The following FAH variants were observed in gnomAD, a reference collection of about 807,000 sequenced individuals.
FAH encodes fumarylacetoacetate hydrolase, also known as fumarylacetoacetase.
Under a neutral mutation model 55.8 loss-of-function variants are expected in FAH, and 47 were observed. That is an observed-to-expected ratio of 0.84 (90% CI 0.67 to 1.07). The LOEUF is 1.07. FAH is among the 50% of genes least tolerant of loss of function. The pLI, the probability that FAH is intolerant of heterozygous loss-of-function variation, is 0.00. For missense variants in FAH, 495 were observed against 545.9 expected, an observed-to-expected ratio of 0.91 and a Z score of 0.93; for synonymous variants, 199 against 207.7, an observed-to-expected ratio of 0.96 and a Z score of 0.36.
chr15:80,172,979 C>G (rs762398502), intron 8 of FAH, 35 bp from the exon 9 acceptor site: 3 of 1,614,184 alleles, frequency 1.9e-6, no homozygotes, highest in Non-Finnish European at 2.5e-6. Flanking sequence ...CCCTGATCAG[C>G]CTTTGTAAGT....
intron 11 of FAH, among the ~76,000 whole-genome samples, 160 bp downstream of exon 11, chr15:80,177,743 G>A (rs1465301705): frequency 2.0e-5 from 3 of 152,162 alleles, no homozygotes; most frequent in Non-Finnish European, 4.4e-5. Context: ...GAGTGGCCAT[G>A]GGGTCACAGA....
At chr15:80,165,264 C>T (rs1216927719) in intron 5 of FAH, among the ~76,000 whole-genome samples, 2 of 151,974 alleles carry the variant, frequency 1.3e-5, no homozygotes, top group East Asian at 1.9e-4. Context: ...CGTGGTGGCT[C>T]ACGCCTGTAA....
At position 80,168,332 on chromosome 15, in the gene FAH, G is replaced by C. The variant is rs1247616369; in HGVS notation, c.606+16G>C. 3 of 1,610,460 alleles carry C rather than the reference G, an allele frequency of 1.9e-6. No individual in the cohort carries two copies. Among genetic ancestry groups the C allele is most frequent in the East Asian group, 4.5e-5 (2 of 44,780 alleles). On this transcript the variant is annotated intron_variant, in intron 7 of 13. Coordinates refer to ENST00000561421, the MANE Select transcript of FAH (RefSeq NM_000137.4). ...GCTGGAAATGGTAAGTGAGCTTGAT[G>C]TTTTATTGCCATGGGATCTATAGAC...
At chr15:80,169,468 C>G (rs1235879275) in intron 7 of FAH, among the ~76,000 whole-genome samples, 5 of 152,218 alleles carry the variant, frequency 3.3e-5, no homozygotes, top group Non-Finnish European at 7.3e-5. Flanking sequence ...TGGCTGGGCC[C>G]ATACAACCTC....
intron 11 of FAH, 95 bp downstream of exon 11, chr15:80,177,678 A>C: frequency 8.4e-7 from 1 of 1,186,278 alleles, no homozygotes; most frequent in Admixed American, 1.7e-5. Context: ...TCCTTTTGGG[A>C]TATGATGATG....
chr15:80,162,164 C>G, intron 4 of FAH, 82 bp from the exon 5 acceptor site: 1 of 1,032,748 alleles, frequency 9.7e-7, no homozygotes, highest in Non-Finnish European at 1.5e-6. Context: ...TGTGCACACT[C>G]GTGGCTCCAG....
At chr15:80,168,223 C>G in intron 6 of FAH, 41 bp from the exon 7 acceptor site, 1 of 1,608,752 alleles carries the variant, frequency 6.2e-7, no homozygotes, top group Non-Finnish European at 8.5e-7. Flanking sequence ...TGTGGCCTCA[C>G]TCACAGCACC....
intron 1 of FAH, chr15:80,156,271 A>G (rs984129382): frequency 6.0e-6 from 1 of 166,664 alleles, no homozygotes; most frequent in African/African-American, 2.4e-5. Context: ...CCCTATACCC[A>G]CCGGTTATTC....
intron 1 of FAH, among the ~76,000 whole-genome samples, chr15:80,153,792 T>C (rs766546148): frequency 6.6e-6 from 1 of 152,094 alleles, no homozygotes; most frequent in African/African-American, 2.4e-5. Context: ...AAACTGGGGG[T>C]TTATCAGCAA....
rs182310182 is a variant in FAH at position 80,170,268 on chromosome 15, C to T, written c.607-1881C>T. 1.3e-4 allele frequency among the ~76,000 whole-genome samples: 20 copies of T among 152,342 alleles called. 1 individual carries two copies. The highest frequency in any genetic ancestry group is 4.1e-4 in the African/African-American group (17 of 41,588). Reference sequence around the variant, plus strand: ...CATAGTCAGCACCTACAGTTTTAGGCGTTGCCTCAGGAAGCTCTGAGTGCC... The same window carrying T: ...CATAGTCAGCACCTACAGTTTTAGGTGTTGCCTCAGGAAGCTCTGAGTGCC... On this transcript the variant is annotated intron_variant, in intron 7 of 13. Transcript: ENST00000561421.
intron 13 of FAH, 98 bp downstream of exon 13, chr15:80,181,257 C>CTCA: frequency 1.2e-6 from 1 of 806,856 alleles, no homozygotes; most frequent in Non-Finnish European, 2.2e-6. Context: ...GCCATCTGTT[C>CTCA]TCACGCATCC....
chr15:80,180,911 G>T, intron 12 of FAH, 131 bp from the exon 13 acceptor site: 1 of 714,928 alleles, frequency 1.4e-6, no homozygotes, highest in South Asian at 1.4e-5. Flanking sequence ...CACCAAGGCC[G>T]AGGCAGGGTC....
At chr15:80,157,831 T>C (rs1307837706) in intron 1 of FAH, 1 of 581,796 alleles carries the variant, frequency 1.7e-6, no homozygotes, top group Non-Finnish European at 3.1e-6. Flanking sequence ...GATATTTGAT[T>C]TCTTTCCCAT....
intron 13 of FAH, among the ~76,000 whole-genome samples, chr15:80,182,264 G>C (rs2041337392): frequency 6.6e-6 from 1 of 151,996 alleles, no homozygotes; most frequent in Non-Finnish European, 1.5e-5. Flanking sequence ...CTCATTCTAA[G>C]ATCCCAACTT....
chr15:80,152,967 C>A, upstream of FAH: 1 of 1,160,570 alleles, frequency 8.6e-7, no homozygotes. Flanking sequence ...GGCAGGGGGG[C>A]GGGGCCGGGC....
chr15:80,176,037 G>A (rs2041281327), intron 10 of FAH, among the ~76,000 whole-genome samples: 1 of 151,516 alleles, frequency 6.6e-6, no homozygotes, highest in East Asian at 1.9e-4. Context: ...TTTCCCCCGA[G>A]ATGGAGTTTC....
At position 80,186,259 on chromosome 15, in the gene FAH, C is replaced by A; in HGVS notation, c.*50C>A. The A allele has an allele frequency of 7.0e-7, 1 of 1,425,422 alleles. No homozygotes were observed. Among genetic ancestry groups the A allele is most frequent in the Non-Finnish European group, 9.8e-7 (1 of 1,021,868 alleles). 88.3% of individuals were successfully genotyped at this position (1,425,422 alleles called of 1,614,324 possible). On this transcript the variant is annotated 3_prime_UTR_variant, in exon 14 of 14. Transcript: ENST00000561421. ...AAAGGGCTCAAGCACCCCTTTCAAC[C>A]CTGTGACTGGGGTCCTCCCTCGGGC...
intron 7 of FAH, among the ~76,000 whole-genome samples, chr15:80,169,519 T>TTTTTG (rs922605663): frequency 2.4e-4 from 36 of 152,162 alleles, no homozygotes; most frequent in African/African-American, 3.4e-4. Context: ...TTTTATTTGT[T>TTTTTG]TTTTGTTTTG....
chr15:80,175,863 G>T (rs1202423923), intron 10 of FAH, among the ~76,000 whole-genome samples: 1 of 152,198 alleles, frequency 6.6e-6, no homozygotes, highest in Non-Finnish European at 1.5e-5. Context: ...TCTGGGACAG[G>T]GTCTGTACCT....
Sources: gnomAD v4.1 joint callset for allele counts (sites outside exome capture counted in the v4.1 genomes callset) on GRCh38, gnomAD v4.1.1 for gene constraint, MANE v1.5 for transcripts, NCBI Gene and HGNC (gene_info 2026-07-23, HGNC 2026-07-21) for gene names.